The following FGFR2 variants were observed in gnomAD, a reference collection of about 807,000 sequenced individuals.
FGFR2 encodes the protein BEK fibroblast growth factor receptor.
Under a neutral mutation model 95.9 loss-of-function variants are expected in FGFR2, and 19 were observed. The observed-to-expected ratio is 0.20, with a 90% CI of 0.14 to 0.29. The LOEUF is 0.29. Among genes scored for constraint, FGFR2 ranks in the 10% least tolerant of loss-of-function variants. The pLI is 1.00. For missense variants in FGFR2, 707 were observed against 1,056.9 expected (o/e 0.67, Z 4.59); for synonymous variants, 392 against 393.3 (o/e 1.00, Z 0.04).
At chr10:121,520,597 A>G (rs566339146) in intron 6 of FGFR2, among the ~76,000 whole-genome samples, 1 of 152,116 alleles carries the variant, frequency 6.6e-6, no homozygotes, top group South Asian at 2.1e-4. Flanking sequence ...CTTTAAAGAC[A>G]CTCTGAATAC....
intron 7 of FGFR2, among the ~76,000 whole-genome samples, chr10:121,519,481 T>TA (rs936002560): frequency 1.8e-3 from 269 of 150,514 alleles, no homozygotes; most frequent in African/African-American, 4.7e-3. Context: ...TTGTTTTTGT[T>TA]AAAAAAAAAA....
At chr10:121,545,458 C>T (rs1310076636) in intron 5 of FGFR2, among the ~76,000 whole-genome samples, 1 of 152,184 alleles carries the variant, frequency 6.6e-6, no homozygotes, top group East Asian at 1.9e-4. Context: ...GTGTCTGCCT[C>T]TTTGGGCTGT....
chr10:121,579,559 G>A (rs1328886767), intron 2 of FGFR2, among the ~76,000 whole-genome samples: 1 of 152,172 alleles, frequency 6.6e-6, no homozygotes, highest in African/African-American at 2.4e-5. Context: ...TATGATGCCT[G>A]TTTAATTTAC....
chr10:121,503,693 C>A lies in FGFR2; in HGVS notation c.1439+97G>T, dbSNP rs1589779457. ...TCCTGCTGACATCATCACACCAAGA[C>A]CTTTGTGGCTAAGGGTCATAAAAAG... On this transcript the variant is annotated intron_variant, in intron 10 of 17. Coordinates refer to ENST00000358487, the MANE Select transcript of FGFR2 (RefSeq NM_000141.5). The A allele has an allele frequency of 2.2e-5, 30 of 1,365,830 alleles. 1 individual carries two copies. The South Asian group carries it at 3.4e-4, about 16-fold the overall frequency. 84.6% of individuals were successfully genotyped at this position (1,365,830 alleles called of 1,614,324 possible). A position where few individuals can be genotyped will look rare whatever the true frequency, so the allele number is the denominator to read the frequency against.
At position 121,515,125 on chromosome 10, in the gene FGFR2, G is replaced by C. The variant is rs1564909172; in HGVS notation, c.1279C>G (p.Gln427Glu). ...ACTCTTTATCTACTTTCTGTTACCT[G>C]TCTCCGCAGGGGGATACGTTTGGTC... is the stretch of plus-strand genomic sequence containing the variant. ...KLTKRIPLRRQVTVSAESSSS... is the reference protein window; with the variant it reads ...KLTKRIPLRREVTVSAESSSS... Residue 427 changes from glutamine (Q) to glutamate (E), a missense_variant, in exon 9 of 18, where the codon CAG (glutamine) becomes GAG (glutamate). By Grantham distance (29) the Gln-to-Glu change is conservative. Around this residue, in one of 7 missense-constraint regions of FGFR2, gnomAD observed 194 missense variants for 267.3 expected, o/e 0.73. Transcript: ENST00000358487. 6 of 1,614,084 alleles carry C rather than the reference G, an allele frequency of 3.7e-6. No individual in the cohort carries two copies. The highest frequency in any genetic ancestry group is 5.1e-6 in the Non-Finnish European group (6 of 1,179,974).
chr10:121,541,171 G>T (rs41295489), intron 5 of FGFR2, among the ~76,000 whole-genome samples: 1,991 of 152,244 alleles, frequency 0.013, 47 homozygotes, highest in African/African-American at 0.046. Context: ...ACCAAACAGG[G>T]TGTTTCTGTC....
At chr10:121,500,783 T>C in intron 11 of FGFR2, 43 bp downstream of exon 11, 1 of 1,610,150 alleles carries the variant, frequency 6.2e-7, no homozygotes, top group Non-Finnish European at 8.5e-7. Context: ...TTGATAAGAC[T>C]CTCCACCCAG....
At chr10:121,520,435 T>A (rs41295545) in intron 6 of FGFR2, among the ~76,000 whole-genome samples, 16 of 152,332 alleles carry the variant, frequency 1.1e-4, no homozygotes, top group Non-Finnish European at 1.8e-4. Flanking sequence ...GGCTGTCCAC[T>A]GCCACCTGAT....
chr10:121,487,222 T>C (rs1343638977), intron 15 of FGFR2, 132 bp downstream of exon 15: 1 of 172,312 alleles, frequency 5.8e-6, no homozygotes, highest in African/African-American at 3.0e-5. Context: ...CTGTCCTTTC[T>C]AAGGCCAGCT....
chr10:121,510,501 G>T (rs1848916889), intron 9 of FGFR2, among the ~76,000 whole-genome samples: 1 of 152,138 alleles, frequency 6.6e-6, no homozygotes, highest in South Asian at 2.1e-4. Context: ...CCACCTGATT[G>T]ACCAAAATAC....
intron 13 of FGFR2, among the ~76,000 whole-genome samples, chr10:121,495,829 G>A (rs566464327): frequency 2.5e-4 from 38 of 152,322 alleles, no homozygotes; most frequent in African/African-American, 8.9e-4. Flanking sequence ...CCGCCCCTCC[G>A]CTTCCCTATG....
chr10:121,529,832 G>A (rs1001486472), intron 6 of FGFR2, among the ~76,000 whole-genome samples: 2 of 152,132 alleles, frequency 1.3e-5, no homozygotes, highest in African/African-American at 2.4e-5. Context: ...TCACCCTCTC[G>A]ACCACATAAA....
chr10:121,485,783 G>T lies in FGFR2; in HGVS notation c.2058-251C>A, dbSNP rs1362341930. ...ACTGCCATCACTCTGGAATAGAGCTGCTTGTCTTAAATGTGGTGTTAGCAA... is the reference window on the plus strand; with the variant it reads ...ACTGCCATCACTCTGGAATAGAGCTTCTTGTCTTAAATGTGGTGTTAGCAA... On this transcript the variant is annotated intron_variant, in intron 15 of 17. Coordinates refer to ENST00000358487, the MANE Select transcript of FGFR2 (RefSeq NM_000141.5). This position sits in a 1 kb window ranked among gnomAD's most constrained non-coding sequence, Gnocchi z 4.2. 6.6e-6 allele frequency among the ~76,000 whole-genome samples: 1 copy of T among 152,210 alleles called. No homozygotes were observed. The highest frequency in any genetic ancestry group is 1.5e-5 in the Non-Finnish European group (1 of 68,038).
chr10:121,590,124 A>C (rs1404407370), intron 2 of FGFR2, among the ~76,000 whole-genome samples: 2 of 152,190 alleles, frequency 1.3e-5, no homozygotes, highest in Non-Finnish European at 2.9e-5. Flanking sequence ...ACCTCTCAGA[A>C]GATTGACAAA....
At chr10:121,519,829 T>C (rs1850237460) in intron 7 of FGFR2, 150 bp downstream of exon 7, 1 of 694,318 alleles carries the variant, frequency 1.4e-6, no homozygotes, top group Admixed American at 2.6e-5. Flanking sequence ...GCAAGTGTAA[T>C]GATCTGTTAA....
rs145668101 is a variant in FGFR2, at chr10:121,569,455, C to T, written c.110-3751G>A. Among the ~76,000 whole-genome samples, 329 of 152,208 alleles carry T rather than the reference C, an allele frequency of 2.2e-3. 2 individuals carry two copies. The highest frequency in any genetic ancestry group is 7.4e-3 in the African/African-American group (309 of 41,526). On this transcript the variant is annotated intron_variant, in intron 2 of 17. Coordinates refer to ENST00000358487, the MANE Select transcript of FGFR2 (RefSeq NM_000141.5). ...CATGCTGGTCTTGAACTCCTGACCTCGTGATCTGCCCGCCTCGGCCTCCCA... is the reference window on the plus strand; with the variant it reads ...CATGCTGGTCTTGAACTCCTGACCTTGTGATCTGCCCGCCTCGGCCTCCCA...
intron 2 of FGFR2, among the ~76,000 whole-genome samples, chr10:121,583,069 A>G (rs1371601717): frequency 1.3e-5 from 2 of 152,194 alleles, no homozygotes; most frequent in Non-Finnish European, 2.9e-5. Flanking sequence ...CAAGACTGGA[A>G]GAAGAGTAGG....
intron 2 of FGFR2, among the ~76,000 whole-genome samples, chr10:121,582,092 C>G (rs1051331650): frequency 1.3e-5 from 2 of 152,044 alleles, no homozygotes; most frequent in Admixed American, 1.3e-4. Context: ...CCACCACCCC[C>G]GGCTAATTTT....
chr10:121,480,464 C>T (rs538100731), intron 17 of FGFR2: 76 of 279,346 alleles, frequency 2.7e-4, no homozygotes, highest in Middle Eastern at 2.2e-3. Flanking sequence ...AAATGAAAAC[C>T]GGTAACATGT....
Sources: gnomAD v4.1 joint callset for allele counts (sites outside exome capture counted in the v4.1 genomes callset) on GRCh38, gnomAD v4.1.1 for gene constraint, gnomAD v4.1.1 regional missense constraint, Gnocchi (gnomAD v3.1) non-coding constraint, MANE v1.5 for transcripts, NCBI Gene and HGNC (gene_info 2026-07-23, HGNC 2026-07-21) for gene names.